DNAH8: variants seen among roughly 807,000 people sequenced by gnomAD.
The protein encoded by DNAH8 is dynein axonemal heavy chain 8.
In DNAH8, 382 loss-of-function variants were observed where a neutral mutation model predicts 562.1. That is an observed-to-expected ratio of 0.68 (90% CI 0.63 to 0.74). DNAH8 has a LOEUF of 0.74. DNAH8 is among the 30% of genes least tolerant of loss of function. The pLI, the probability that DNAH8 is intolerant of heterozygous loss-of-function variation, is 0.00. For missense variants in DNAH8, 5,203 were observed against 5,620.4 expected (o/e 0.93, Z 2.37); for synonymous variants, 1,881 against 1,919.4 (o/e 0.98, Z 0.52).
intron 85 of DNAH8, among the ~76,000 whole-genome samples, chr6:38,981,611 C>G (rs570275856): frequency 6.6e-6 from 1 of 152,318 alleles, no homozygotes; most frequent in East Asian, 1.9e-4. Flanking sequence ...ATCACAGAAT[C>G]TAAGTGCTCT....
intron 58 of DNAH8, among the ~76,000 whole-genome samples, chr6:38,894,120 A>G (rs755008104): frequency 1.3e-5 from 2 of 152,206 alleles, no homozygotes; most frequent in Non-Finnish European, 2.9e-5. Context: ...CTGTCCACTT[A>G]TTATGGATAT....
At chr6:38,876,511 C>A (rs1467579674) in intron 53 of DNAH8, among the ~76,000 whole-genome samples, 3 of 152,136 alleles carry the variant, frequency 2.0e-5, no homozygotes, top group African/African-American at 7.2e-5. Context: ...GGAGAGTAGA[C>A]AGCAATAGCC....
At position 38,743,007 on chromosome 6, in the gene DNAH8, C is replaced by CTTTTTTTTTT. The variant is rs11340457; in HGVS notation, c.1293+1138_1293+1147dup. ...TTTCCAAAAAAATGTTGTTGTTGTGCTTTTTTTTTTTTTTTTTTTTTTTTT... is the reference window on the plus strand; with the variant it reads ...TTTCCAAAAAAATGTTGTTGTTGTGCTTTTTTTTTTTTTTTTTTTTTTTTTTTTTTTTTTT... On this transcript the variant is annotated intron_variant, in intron 8 of 92. Coordinates refer to ENST00000327475, the MANE Select transcript of DNAH8 (RefSeq NM_001206927.2). 9.5e-3 allele frequency among the ~76,000 whole-genome samples: 493 copies of CTTTTTTTTTT among 52,006 alleles called. 11 individuals carry two copies. Among genetic ancestry groups the CTTTTTTTTTT allele is most frequent in the Middle Eastern group, 0.03 (2 of 66 alleles). The allele number at this position is 52,006 out of a possible 152,430, so 34.1% of individuals were successfully genotyped here.
chr6:39,021,719 A>G (rs574700317), intron 91 of DNAH8, among the ~76,000 whole-genome samples: 1 of 152,338 alleles, frequency 6.6e-6, no homozygotes, highest in African/African-American at 2.4e-5. Flanking sequence ...TGCTGCTGGG[A>G]AGCTTAGTAA....
chr6:38,893,431 AT>A (rs1021101326), intron 58 of DNAH8, among the ~76,000 whole-genome samples: 8 of 151,650 alleles, frequency 5.3e-5, no homozygotes, highest in Admixed American at 1.3e-4. Flanking sequence ...AAAGAAAGGA[AT>A]TTTTTTTTAC....
intron 2 of DNAH8, 40 bp downstream of exon 2, chr6:38,723,239 C>A: frequency 6.3e-7 from 1 of 1,581,226 alleles, no homozygotes; most frequent in Non-Finnish European, 8.6e-7. Context: ...GCCACTTTTC[C>A]TTATCAAATA....
At chr6:38,911,659 G>A in intron 66 of DNAH8, 73 bp downstream of exon 66, 1 of 1,054,398 alleles carries the variant, frequency 9.5e-7, no homozygotes, top group South Asian at 1.4e-5. Flanking sequence ...TATTTTGTTT[G>A]GTGGACATTT....
intron 21 of DNAH8, among the ~76,000 whole-genome samples, chr6:38,801,949 C>T (rs951089739): frequency 1.9e-4 from 24 of 125,200 alleles, no homozygotes; most frequent in Non-Finnish European, 1.8e-4. Context: ...CTCCTATGTA[C>T]ATTTTTTTTT....
At chr6:38,983,863 A>G (rs1764192043) in intron 86 of DNAH8, among the ~76,000 whole-genome samples, 5 of 152,178 alleles carry the variant, frequency 3.3e-5, no homozygotes. Context: ...TTTTTTCACT[A>G]AACACCACTT....
chr6:38,843,349 TTTTTTTCA>T (rs1281819942), intron 35 of DNAH8, among the ~76,000 whole-genome samples: 1 of 152,014 alleles, frequency 6.6e-6, no homozygotes, highest in Non-Finnish European at 1.5e-5. Flanking sequence ...GGCCAATCTT[TTTTTTTCA>T]TTTTTTCATT....
At chr6:38,896,290 C>A in intron 60 of DNAH8, 65 bp downstream of exon 60, 1 of 1,295,616 alleles carries the variant, frequency 7.7e-7, no homozygotes, top group Non-Finnish European at 1.1e-6. Flanking sequence ...TTTCTCTCTG[C>A]ACCAGAGTCC....
At chr6:38,842,071 T>C (rs543513606) in intron 33 of DNAH8, among the ~76,000 whole-genome samples, 1 of 152,330 alleles carries the variant, frequency 6.6e-6, no homozygotes, top group Non-Finnish European at 1.5e-5. Flanking sequence ...CAATGATTGG[T>C]ATAGTAAGTT....
intron 35 of DNAH8, among the ~76,000 whole-genome samples, chr6:38,844,403 C>T (rs1460343929): frequency 6.6e-6 from 1 of 152,182 alleles, no homozygotes; most frequent in African/African-American, 2.4e-5. Flanking sequence ...GACCAGAAAT[C>T]TCCCAAATAT....
At chr6:38,960,970 G>A (rs976673364) in intron 82 of DNAH8, among the ~76,000 whole-genome samples, 1 of 151,728 alleles carries the variant, frequency 6.6e-6, no homozygotes, top group South Asian at 2.1e-4. Context: ...TAAAACATGC[G>A]GTACATATAC....
intron 12 of DNAH8, among the ~76,000 whole-genome samples, chr6:38,775,467 T>A (rs540214859): frequency 1.3e-5 from 2 of 152,326 alleles, no homozygotes; most frequent in South Asian, 4.1e-4. Context: ...ATGAAGCTAT[T>A]TAGTCAAGCT....
At chr6:38,782,939 T>C in intron 16 of DNAH8, 65 bp from the exon 17 acceptor site, 2 of 1,420,374 alleles carry the variant, frequency 1.4e-6, no homozygotes, top group Admixed American at 3.8e-5. Flanking sequence ...ATAAGTACTT[T>C]CATTATTTGG....
intron 36 of DNAH8, among the ~76,000 whole-genome samples, chr6:38,846,912 C>G (rs1039709175): frequency 1.4e-4 from 22 of 152,166 alleles, no homozygotes; most frequent in Non-Finnish European, 8.8e-5. Flanking sequence ...CTTCTAGGCC[C>G]TGCCAGAAAG....
intron 85 of DNAH8, among the ~76,000 whole-genome samples, chr6:38,979,426 C>G (rs74449274): frequency 6.6e-6 from 1 of 152,098 alleles, no homozygotes. Flanking sequence ...ATAAGTCCAG[C>G]AAAACCCCTT....
intron 36 of DNAH8, 126 bp from the exon 37 acceptor site, chr6:38,848,522 G>T: frequency 1.4e-6 from 1 of 702,232 alleles, no homozygotes; most frequent in Admixed American, 2.8e-5. Context: ...TATCTATTAG[G>T]AACTGCCCTT....
Sources: gnomAD v4.1 joint callset for allele counts (sites outside exome capture counted in the v4.1 genomes callset) on GRCh38, gnomAD v4.1.1 for gene constraint, MANE v1.5 for transcripts, NCBI Gene and HGNC (gene_info 2026-07-23, HGNC 2026-07-21) for gene names.